MTUS2: variants seen among roughly 807,000 people sequenced by gnomAD.
MTUS2 encodes microtubule-associated tumor suppressor candidate 2.
Under a neutral mutation model 114.1 loss-of-function variants are expected in MTUS2, and 40 were observed. The observed-to-expected ratio is 0.35, with a 90% CI of 0.27 to 0.46. The LOEUF (loss-of-function observed/expected upper bound fraction) is 0.46, where lower values mean the gene tolerates loss of function less well. Among genes scored for constraint, MTUS2 ranks in the 20% least tolerant of loss-of-function variants. The probability of loss-of-function intolerance (pLI) is 1.00; values close to 1 mark genes in which losing one functional copy is unlikely to be tolerated. For missense variants in MTUS2, 1,679 were observed against 1,705.4 expected (o/e 0.98, Z 0.27); for synonymous variants, 688 against 672.0 (o/e 1.02, Z -0.37).
intron 2 of MTUS2, among the ~76,000 whole-genome samples, chr13:28,866,104 C>T (rs1014044735): frequency 7.9e-5 from 12 of 152,114 alleles, no homozygotes; most frequent in Non-Finnish European, 1.3e-4. Context: ...ACAGGATTTT[C>T]GTGCCTCCCT....
intron 8 of MTUS2, among the ~76,000 whole-genome samples, chr13:29,423,927 C>T (rs368299932): frequency 9.2e-5 from 14 of 151,536 alleles, no homozygotes; most frequent in Middle Eastern, 3.4e-3. Context: ...TGCAGTGACA[C>T]GATCTCGGCT....
intron 4 of MTUS2, among the ~76,000 whole-genome samples, chr13:29,047,649 A>G (rs1163339896): frequency 4.0e-5 from 6 of 151,654 alleles, no homozygotes; most frequent in Non-Finnish European, 7.4e-5. Flanking sequence ...GAGTAGCTGG[A>G]ACTACAGGCG....
chr13:28,956,344 G>A (rs12100316), intron 2 of MTUS2, among the ~76,000 whole-genome samples: 6,185 of 151,948 alleles, frequency 0.041, 409 homozygotes, highest in African/African-American at 0.14. Context: ...TAAGGTTCTC[G>A]CCTGCCACAG....
At chr13:29,249,296 A>G in intron 5 of MTUS2, among the ~76,000 whole-genome samples, 1 of 152,154 alleles carries the variant, frequency 6.6e-6, no homozygotes, top group South Asian at 2.1e-4. Flanking sequence ...GCCAAAACGA[A>G]TGATTTATAT....
intron 8 of MTUS2, among the ~76,000 whole-genome samples, chr13:29,377,356 A>C (rs1206732724): frequency 2.6e-5 from 4 of 152,180 alleles, no homozygotes; most frequent in African/African-American, 9.6e-5. Context: ...GGGTCCTAAA[A>C]CTAACAAATT....
chr13:28,924,682 C>T (rs575519457), intron 2 of MTUS2, among the ~76,000 whole-genome samples: 11 of 152,300 alleles, frequency 7.2e-5, no homozygotes, highest in South Asian at 6.2e-4. Flanking sequence ...GCGCTTGTCC[C>T]GGCTGATGGG....
intron 5 of MTUS2, among the ~76,000 whole-genome samples, chr13:29,161,854 A>G (rs7997492): frequency 0.71 from 108,137 of 152,040 alleles, 38,674 homozygotes; most frequent in East Asian, 0.81. Context: ...TCTCTGCCTC[A>G]CCTCTGACAG....
chr13:29,386,460 C>T (rs149651376), intron 8 of MTUS2, among the ~76,000 whole-genome samples: 3 of 152,246 alleles, frequency 2.0e-5, no homozygotes, highest in Non-Finnish European at 4.4e-5. Flanking sequence ...GGACTTTGAT[C>T]AGCAATGGAG....
intron 11 of MTUS2, among the ~76,000 whole-genome samples, chr13:29,492,155 TGTGTG>T (rs1229085446): frequency 6.2e-5 from 1 of 16,184 alleles, no homozygotes; most frequent in Non-Finnish European, 2.3e-4. Context: ...TGTGTATGTG[TGTGTG>T]GTGTGTATGT....
At chr13:28,990,463 C>T (rs1429145543) in intron 2 of MTUS2, among the ~76,000 whole-genome samples, 1 of 151,694 alleles carries the variant, frequency 6.6e-6, no homozygotes, top group Non-Finnish European at 1.5e-5. Context: ...AAAACCACAC[C>T]AATCATCAGT....
At chr13:29,392,263 T>G (rs1485100262) in intron 8 of MTUS2, among the ~76,000 whole-genome samples, 1 of 152,188 alleles carries the variant, frequency 6.6e-6, no homozygotes, top group Non-Finnish European at 1.5e-5. Context: ...CCATTCTATT[T>G]TCTGTCTCTA....
intron 8 of MTUS2, among the ~76,000 whole-genome samples, chr13:29,391,316 A>G (rs1873439705): frequency 6.6e-6 from 1 of 152,102 alleles, no homozygotes. Context: ...ACACCAGATT[A>G]CTTCTGAGAA....
chr13:29,427,302 T>C (rs748678835), intron 8 of MTUS2, among the ~76,000 whole-genome samples: 3 of 152,206 alleles, frequency 2.0e-5, no homozygotes, highest in Non-Finnish European at 4.4e-5. Context: ...TTGCTTTGTT[T>C]TTTTATAAAA....
At chr13:29,212,060 T>A (rs1297179781) in intron 5 of MTUS2, among the ~76,000 whole-genome samples, 1 of 152,190 alleles carries the variant, frequency 6.6e-6, no homozygotes, top group African/African-American at 2.4e-5. Flanking sequence ...GAGGTCTTTC[T>A]TTCATTGTGT....
intron 8 of MTUS2, among the ~76,000 whole-genome samples, chr13:29,423,769 G>A (rs1189846831): frequency 4.6e-5 from 7 of 152,040 alleles, no homozygotes. Flanking sequence ...CTATATTGCA[G>A]GAAATTAAAA....
chr13:28,937,369 C>T (rs1441867230), intron 2 of MTUS2, among the ~76,000 whole-genome samples: 4 of 151,980 alleles, frequency 2.6e-5, no homozygotes, highest in Non-Finnish European at 5.9e-5. Context: ...GACCAATCAG[C>T]AGGACATGGG....
intron 5 of MTUS2, among the ~76,000 whole-genome samples, chr13:29,120,795 C>T (rs1199335589): frequency 6.6e-6 from 1 of 152,130 alleles, no homozygotes; most frequent in African/African-American, 2.4e-5. Flanking sequence ...TTCATTCTTG[C>T]AGTGGAGATC....
At chr13:29,405,599 A>C (rs1267027310) in intron 8 of MTUS2, among the ~76,000 whole-genome samples, 1 of 152,198 alleles carries the variant, frequency 6.6e-6, no homozygotes, top group Non-Finnish European at 1.5e-5. Flanking sequence ...AGAGTCGCCC[A>C]CTGCACGTTT....
chr13:29,254,198 G>A (rs1298556323), intron 5 of MTUS2, among the ~76,000 whole-genome samples: 1 of 152,214 alleles, frequency 6.6e-6, no homozygotes, highest in Non-Finnish European at 1.5e-5. Flanking sequence ...GTGTTCTTCT[G>A]TGTGTAATAT....
Sources: gnomAD v4.1 joint callset for allele counts (sites outside exome capture counted in the v4.1 genomes callset) on GRCh38, gnomAD v4.1.1 for gene constraint, MANE v1.5 for transcripts, NCBI Gene and HGNC (gene_info 2026-07-23, HGNC 2026-07-21) for gene names.